Variants in CSMD1 observed in about 807,000 individuals in gnomAD.
CSMD1 encodes the protein CUB and Sushi multiple domains 1.
A neutral mutation model predicts 417.5 loss-of-function variants in CSMD1; 213 were observed. The observed-to-expected ratio is 0.51, with a 90% CI of 0.46 to 0.57. CSMD1 has a LOEUF of 0.57. Ranked by LOEUF, CSMD1 falls within the 20% of genes least tolerant of loss-of-function variation. The pLI is 0.00. For missense variants in CSMD1, 6,923 were observed against 4,529.7 expected (o/e 1.53, Z -15.17); for synonymous variants, 2,862 against 1,736.8 (o/e 1.65, Z -16.11).
intron 21 of CSMD1, 25 bp downstream of exon 21, chr8:3,359,127 G>A (rs570017494): frequency 6.2e-7 from 1 of 1,611,740 alleles, no homozygotes. Context: ...ATGGATGAAT[G>A]AAATGAAAGC....
At chr8:4,390,370 G>A (rs1332107566) in intron 3 of CSMD1, among the ~76,000 whole-genome samples, 2 of 151,944 alleles carry the variant, frequency 1.3e-5, no homozygotes, top group Non-Finnish European at 2.9e-5. Flanking sequence ...TCCAAGCCTG[G>A]GAGATCTAAA....
chr8:3,366,429 A>G (rs1337330597), intron 20 of CSMD1, among the ~76,000 whole-genome samples: 1 of 152,246 alleles, frequency 6.6e-6, no homozygotes, highest in African/African-American at 2.4e-5. Context: ...AAATTAAACA[A>G]TCTAACCCAT....
chr8:3,292,787 C>A (rs1214631819), intron 25 of CSMD1, among the ~76,000 whole-genome samples: 1 of 152,076 alleles, frequency 6.6e-6, no homozygotes, highest in African/African-American at 2.4e-5. Context: ...TGCAATTTGC[C>A]AGTCTCTGTC....
At chr8:4,055,451 G>C (rs1038989337) in intron 3 of CSMD1, among the ~76,000 whole-genome samples, 2 of 151,264 alleles carry the variant, frequency 1.3e-5, no homozygotes, top group African/African-American at 4.9e-5. Flanking sequence ...ATTTTGAAGA[G>C]AAAAATTTAA....
At chr8:4,271,427 T>A (rs1299254624) in intron 3 of CSMD1, among the ~76,000 whole-genome samples, 5 of 152,186 alleles carry the variant, frequency 3.3e-5, no homozygotes, top group Non-Finnish European at 4.4e-5. Context: ...TGAAATGTTG[T>A]AGGAGACTCT....
At chr8:4,575,005 A>G (rs1462375247) in intron 2 of CSMD1, among the ~76,000 whole-genome samples, 2 of 152,220 alleles carry the variant, frequency 1.3e-5, no homozygotes, top group Non-Finnish European at 2.9e-5. Context: ...GTGCTTCCTC[A>G]GTAAATAAAA....
At chr8:3,248,854 C>G (rs2117018641) in intron 26 of CSMD1, among the ~76,000 whole-genome samples, 1 of 152,168 alleles carries the variant, frequency 6.6e-6, no homozygotes, top group South Asian at 2.1e-4. Flanking sequence ...AGGTTAAATA[C>G]CACATTTTCA....
rs376618728 is a variant in CSMD1 at position 3,776,442 on chromosome 8, G to C, written c.819-22400C>G. ...CACTCCTGTCCTTCTCTAATCTCCT[G>C]TCTGGCCACATTCTACTCACACACC... On this transcript the variant is annotated intron_variant, in intron 5 of 69. Coordinates refer to ENST00000635120, the MANE Select transcript of CSMD1 (RefSeq NM_033225.6). Among the ~76,000 whole-genome samples, 6 of 152,272 alleles carry C rather than the reference G, an allele frequency of 3.9e-5. No homozygotes were observed. In the South Asian group the frequency reaches 1.0e-3, roughly 26 times the overall value.
chr8:4,101,111 G>A (rs1231821111), intron 3 of CSMD1, among the ~76,000 whole-genome samples: 4 of 152,128 alleles, frequency 2.6e-5, no homozygotes, highest in African/African-American at 7.2e-5. Context: ...GTTAACCAGC[G>A]AATAGTCTTT....
intron 5 of CSMD1, among the ~76,000 whole-genome samples, chr8:3,922,205 C>T (rs1173046256): frequency 1.3e-5 from 2 of 152,058 alleles, no homozygotes; most frequent in Admixed American, 1.3e-4. Flanking sequence ...CTACTCTCTT[C>T]TTTTTAACCA....
At chr8:3,006,519 A>G (rs1334492633) in intron 52 of CSMD1, among the ~76,000 whole-genome samples, 1 of 152,178 alleles carries the variant, frequency 6.6e-6, no homozygotes, top group African/African-American at 2.4e-5. Flanking sequence ...CTGACTTCAA[A>G]CTATACTACA....
chr8:4,024,860 T>C (rs903770573), intron 4 of CSMD1, among the ~76,000 whole-genome samples: 1 of 152,180 alleles, frequency 6.6e-6, no homozygotes, highest in Non-Finnish European at 1.5e-5. Context: ...AGAATTGTTT[T>C]CTTAAGTAAG....
chr8:4,062,532 G>A (rs146591632), intron 3 of CSMD1, among the ~76,000 whole-genome samples: 3 of 152,092 alleles, frequency 2.0e-5, no homozygotes, highest in African/African-American at 7.2e-5. Context: ...TAAATCACCT[G>A]TGGCATTGAC....
chr8:4,324,291 G>A (rs147271909), intron 3 of CSMD1, among the ~76,000 whole-genome samples: 24 of 152,258 alleles, frequency 1.6e-4, no homozygotes, highest in African/African-American at 4.8e-4. Context: ...CACTAACTGC[G>A]TATTCCATTA....
intron 15 of CSMD1, among the ~76,000 whole-genome samples, chr8:3,404,536 T>A (rs1177944017): frequency 6.6e-6 from 1 of 152,062 alleles, no homozygotes; most frequent in Non-Finnish European, 1.5e-5. Context: ...CTGAGAATGT[T>A]ATTCCGAGGT....
chr8:4,033,284 CAA>C (rs1237104464), intron 3 of CSMD1, among the ~76,000 whole-genome samples: 3 of 151,226 alleles, frequency 2.0e-5, no homozygotes, highest in Non-Finnish European at 3.0e-5. Flanking sequence ...ACTAAAAATA[CAA>C]AAAAAATTAG....
intron 7 of CSMD1, among the ~76,000 whole-genome samples, chr8:3,652,158 T>A (rs1390471096): frequency 6.8e-6 from 1 of 147,410 alleles, no homozygotes; most frequent in Non-Finnish European, 1.5e-5. Context: ...CTTACCACCA[T>A]CAGAGCGCTT....
chr8:4,022,123 T>TAC (rs1488616324), intron 4 of CSMD1, among the ~76,000 whole-genome samples: 5 of 147,264 alleles, frequency 3.4e-5, no homozygotes, highest in Non-Finnish European at 7.4e-5. Flanking sequence ...ATATAGAATA[T>TAC]ATATATATAC....
At chr8:3,030,263 T>C (rs983095018) in intron 50 of CSMD1, among the ~76,000 whole-genome samples, 2 of 152,026 alleles carry the variant, frequency 1.3e-5, no homozygotes, top group African/African-American at 4.8e-5. Flanking sequence ...TGTGGGTACA[T>C]ATTCTTTGAA....
Sources: allele counts gnomAD v4.1 joint callset (sites outside exome capture counted in the v4.1 genomes callset), GRCh38; gene constraint gnomAD v4.1.1; transcripts MANE v1.5; gene names NCBI Gene and HGNC (gene_info 2026-07-23, HGNC 2026-07-21).